The following ZNF100 variants were observed in gnomAD, a reference collection of about 807,000 sequenced individuals.
ZNF100 encodes zinc finger protein 100 (Y1).
Under a neutral mutation model 15.8 loss-of-function variants are expected in ZNF100, and 12 were observed. That is an observed-to-expected ratio of 0.76 (90% CI 0.49 to 1.23). The LOEUF (loss-of-function observed/expected upper bound fraction) is 1.23, where lower values mean the gene tolerates loss of function less well. ZNF100 is among the 50% of genes most tolerant of loss of function. ZNF100 has a pLI of 0.00. For missense variants in ZNF100, 670 were observed against 635.6 expected (o/e 1.05, Z -0.58); for synonymous variants, 226 against 214.8 (o/e 1.05, Z -0.45).
intron 2 of ZNF100, chr19:21,752,227 T>C (rs1012047300): frequency 6.5e-6 from 1 of 153,286 alleles, no homozygotes; most frequent in African/African-American, 2.4e-5. Flanking sequence ...CTATGTTAGG[T>C]TTTTTAAACA....
At chr19:21,766,449 T>TTG (rs1225976566) in intron 1 of ZNF100, among the ~76,000 whole-genome samples, 3 of 148,330 alleles carry the variant, frequency 2.0e-5, no homozygotes, top group African/African-American at 7.9e-5. Flanking sequence ...AGGTGCATTT[T>TTG]TTTTTTAATT....
intron 2 of ZNF100, among the ~76,000 whole-genome samples, chr19:21,749,293 GA>G (rs35308521): frequency 0.16 from 21,676 of 139,144 alleles, 2,099 homozygotes; most frequent in African/African-American, 0.28. Context: ...TATGAAGGGA[GA>G]AAAAAAAAAA....
chr19:21,742,184 C>G (rs1328398465), intron 4 of ZNF100, among the ~76,000 whole-genome samples: 1 of 151,592 alleles, frequency 6.6e-6, no homozygotes, highest in Non-Finnish European at 1.5e-5. Flanking sequence ...ACATTCCCAG[C>G]TACTCGGGAC....
At position 21,767,509 on chromosome 19, in the gene ZNF100, C is replaced by G; in HGVS notation, c.-80G>C. ...AGGTCAGAGGGCCACACAGGCTAGG[C>G]CCCTAGGAGCAGAAGACACAGAGAA... On this transcript the variant is annotated 5_prime_UTR_variant, in exon 1 of 5. Transcript: ENST00000358296. 1 of 1,596,082 alleles carries G rather than the reference C, an allele frequency of 6.3e-7. No homozygotes were observed. The highest frequency in any genetic ancestry group is 8.6e-7 in the Non-Finnish European group (1 of 1,168,230).
chr19:21,742,251 T>G (rs986364413), intron 4 of ZNF100, among the ~76,000 whole-genome samples: 6 of 148,144 alleles, frequency 4.1e-5, no homozygotes, highest in African/African-American at 1.5e-4. Flanking sequence ...GAGCCGAGAT[T>G]GCGCTATTGC....
rs1674386147 is a variant in ZNF100, at chr19:21,766,668, G to A, written c.3+759C>T. Among the ~76,000 whole-genome samples, 2 of 152,030 alleles carry A rather than the reference G, an allele frequency of 1.3e-5. 1 individual carries two copies. Among genetic ancestry groups the A allele is most frequent in the South Asian group, 4.1e-4 (2 of 4,820 alleles). On this transcript the variant is annotated intron_variant, in intron 1 of 4. Coordinates refer to ENST00000358296, the MANE Select transcript of ZNF100 (RefSeq NM_173531.4). ...AGACAACAAACTACAAACCATAGCT[G>A]GATACTCTATGATTCTTGAATCACT...
chr19:21,735,224 C>T (rs1879371393), intron 4 of ZNF100, among the ~76,000 whole-genome samples: 2 of 152,072 alleles, frequency 1.3e-5, no homozygotes, highest in Non-Finnish European at 2.9e-5. Flanking sequence ...TTTAAATGGA[C>T]TGAATGCTCC....
At chr19:21,749,585 C>G (rs2036268871) in intron 2 of ZNF100, among the ~76,000 whole-genome samples, 2 of 152,228 alleles carry the variant, frequency 1.3e-5, no homozygotes, top group South Asian at 2.1e-4. Context: ...CAAGAATACT[C>G]TACTCCAGTA....
Position 21,767,508 on chromosome 19 carries a change from G to GC in ZNF100, c.-80dup. On this transcript the variant is annotated 5_prime_UTR_variant, in exon 1 of 5. Coordinates refer to ENST00000358296, the MANE Select transcript of ZNF100 (RefSeq NM_173531.4). ...CAGGTCAGAGGGCCACACAGGCTAGGCCCCTAGGAGCAGAAGACACAGAGA... is the reference window on the plus strand; with the variant it reads ...CAGGTCAGAGGGCCACACAGGCTAGGCCCCCTAGGAGCAGAAGACACAGAGA... 1 of 1,596,038 alleles carries GC rather than the reference G, an allele frequency of 6.3e-7. No homozygotes were observed. The highest frequency in any genetic ancestry group is 1.1e-5 in the South Asian group (1 of 90,188).
chr19:21,727,310 TGTA>T lies in ZNF100; in HGVS notation c.999_1001del (p.Thr334del), dbSNP rs2035818441. 1 of 1,612,990 alleles carries T rather than the reference TGTA, an allele frequency of 6.2e-7. No individual in the cohort carries two copies. The highest frequency in any genetic ancestry group is 2.2e-5 in the East Asian group (1 of 44,868). On this transcript the variant is annotated inframe_deletion, in exon 5 of 5. Coordinates refer to ENST00000358296, the MANE Select transcript of ZNF100 (RefSeq NM_173531.4). ...TCTCTCCAGTATGAATTATCCTGTG[TGTA>T]GTAAGGTGTGAGGACCGGTTAAAAG...
intron 2 of ZNF100, chr19:21,751,419 G>C (rs2036304700): frequency 3.6e-6 from 3 of 836,472 alleles, no homozygotes; most frequent in Non-Finnish European, 4.3e-6. Context: ...TTTATTTACA[G>C]ATTTGTTCAT....
intron 4 of ZNF100, among the ~76,000 whole-genome samples, chr19:21,735,317 A>G (rs1485088134): frequency 6.6e-6 from 1 of 152,004 alleles, no homozygotes; most frequent in Non-Finnish European, 1.5e-5. Context: ...ACACGGTGAA[A>G]CCCCGTCTCT....
intron 2 of ZNF100, chr19:21,750,949 G>C (rs2036296792): frequency 1.2e-6 from 1 of 810,626 alleles, no homozygotes; most frequent in Non-Finnish European, 2.0e-6. Flanking sequence ...TCTACGAGGC[G>C]GCACCCGGGG....
At chr19:21,764,357 T>C (rs576031525) in intron 2 of ZNF100, among the ~76,000 whole-genome samples, 2 of 152,202 alleles carry the variant, frequency 1.3e-5, no homozygotes, top group South Asian at 2.1e-4. Context: ...AAAGCAAAAG[T>C]ATCAGGCCGG....
At position 21,739,993 on chromosome 19, in the gene ZNF100, T is replaced by C. The variant is rs546475115; in HGVS notation, c.322+4024A>G. 3.3e-5 allele frequency among the ~76,000 whole-genome samples: 5 copies of C among 152,328 alleles called. No individual in the cohort carries two copies. The East Asian group carries it at 9.6e-4, about 29-fold the overall frequency. ...GCACAGTTATTACAGAAATATTCTT[T>C]AAAATTTTTAAATGTGATTGTGAAC... On this transcript the variant is annotated intron_variant, in intron 4 of 4. Coordinates refer to ENST00000358296, the MANE Select transcript of ZNF100 (RefSeq NM_173531.4).
In ZNF100 at chr19:21,731,991, A is replaced by AT. The variant is rs1469883407; in HGVS notation, c.323-4003dup. On this transcript the variant is annotated intron_variant, in intron 4 of 4. Coordinates refer to ENST00000358296, the MANE Select transcript of ZNF100 (RefSeq NM_173531.4). ...TAATGGGCCTGGTGCCGGGACTCAC[A>AT]TCTGTAATCCCAGCACTTTGGGAGG... 6.6e-5 allele frequency among the ~76,000 whole-genome samples: 10 copies of AT among 152,332 alleles called. No homozygotes were observed. In the East Asian group the frequency reaches 1.9e-3, roughly 29 times the overall value.
chr19:21,758,981 CAG>C (rs746937897), intron 2 of ZNF100, among the ~76,000 whole-genome samples: 4 of 152,262 alleles, frequency 2.6e-5, no homozygotes, highest in South Asian at 4.1e-4. Flanking sequence ...ACCAAAACTG[CAG>C]AGTTTGCTGA....
At chr19:21,760,763 T>C (rs1194148962) in intron 2 of ZNF100, among the ~76,000 whole-genome samples, 1 of 147,268 alleles carries the variant, frequency 6.8e-6, no homozygotes, top group Non-Finnish European at 1.5e-5. Flanking sequence ...TGTTTTTTTT[T>C]TTTTTTTTTT....
Position 21,765,911 on chromosome 19 carries a change from G to A in ZNF100, c.4-125C>T, listed in dbSNP as rs370026848. 6.9e-6 allele frequency: 6 copies of A among 874,884 alleles called. No individual in the cohort carries two copies. The South Asian group carries it at 8.0e-5, about 12-fold the overall frequency. 54.2% of individuals were successfully genotyped at this position (874,884 alleles called of 1,614,324 possible). ...CAGGACCAGGAAAAAACTAAAGGGT[G>A]GCTGAGGACACATCACCCCATAGAT... On this transcript the variant is annotated intron_variant, in intron 1 of 4. Transcript: ENST00000358296.
Sources: gnomAD v4.1 joint callset for allele counts (sites outside exome capture counted in the v4.1 genomes callset) on GRCh38, gnomAD v4.1.1 for gene constraint, MANE v1.5 for transcripts, NCBI Gene and HGNC (gene_info 2026-07-23, HGNC 2026-07-21) for gene names.